ANKS1B: variants seen among roughly 807,000 people sequenced by gnomAD.
ANKS1B encodes the protein ankyrin repeat and sterile alpha motif domain containing 1B.
ANKS1B carries 36 observed loss-of-function variants against 148.3 expected under a neutral mutation model. The observed-to-expected ratio is 0.24, with a 90% CI of 0.19 to 0.32. The LOEUF (loss-of-function observed/expected upper bound fraction) is 0.32, where lower values mean the gene tolerates loss of function less well. Ranked by LOEUF, ANKS1B falls within the 10% of genes least tolerant of loss-of-function variation. ANKS1B has a pLI of 1.00. For missense variants in ANKS1B, 1,157 were observed against 1,542.6 expected (o/e 0.75, Z 4.19); for synonymous variants, 542 against 560.8 (o/e 0.97, Z 0.47).
At chr12:99,491,730 G>A (rs185486494) in intron 10 of ANKS1B, among the ~76,000 whole-genome samples, 1 of 152,202 alleles carries the variant, frequency 6.6e-6, no homozygotes, top group East Asian at 1.9e-4. Context: ...AAGGATTACA[G>A]CCTCTAGCTC....
intron 1 of ANKS1B, among the ~76,000 whole-genome samples, chr12:99,972,843 G>A (rs1360946702): frequency 6.6e-6 from 1 of 152,176 alleles, no homozygotes; most frequent in Non-Finnish European, 1.5e-5. Flanking sequence ...TCAAAGGACA[G>A]GCTCTCTTGT....
chr12:99,592,048 C>T (rs914731564), intron 9 of ANKS1B, among the ~76,000 whole-genome samples: 1 of 152,102 alleles, frequency 6.6e-6, no homozygotes, highest in Non-Finnish European at 1.5e-5. Flanking sequence ...AAAATTGGTT[C>T]ACATTTCCAA....
intron 12 of ANKS1B, among the ~76,000 whole-genome samples, chr12:99,394,799 A>ATAATG (rs1469000481): frequency 1.3e-5 from 2 of 152,182 alleles, no homozygotes; most frequent in Non-Finnish European, 2.9e-5. Flanking sequence ...TATCATCTGT[A>ATAATG]TAATGACGAC....
chr12:99,314,074 G>T (rs1056203117), intron 12 of ANKS1B, among the ~76,000 whole-genome samples: 1 of 152,006 alleles, frequency 6.6e-6, no homozygotes, highest in African/African-American at 2.4e-5. Flanking sequence ...CAAAGTCTCA[G>T]GATACAAAAT....
intron 17 of ANKS1B, among the ~76,000 whole-genome samples, chr12:99,028,602 T>A (rs1165043106): frequency 6.6e-6 from 1 of 152,238 alleles, no homozygotes; most frequent in Non-Finnish European, 1.5e-5. Context: ...ATAAGCCTTT[T>A]ACTGCTTAAT....
chr12:99,368,066 T>C (rs2152456258), intron 12 of ANKS1B, among the ~76,000 whole-genome samples: 1 of 152,274 alleles, frequency 6.6e-6, no homozygotes, highest in South Asian at 2.1e-4. Context: ...TCAAGTGACT[T>C]TTGGCAAAGC....
intron 9 of ANKS1B, among the ~76,000 whole-genome samples, chr12:99,612,214 T>C (rs1230482931): frequency 1.3e-5 from 2 of 152,024 alleles, no homozygotes; most frequent in Non-Finnish European, 2.9e-5. Context: ...ATCCCAAAGA[T>C]TAATGGTCAT....
intron 1 of ANKS1B, among the ~76,000 whole-genome samples, chr12:99,934,602 T>G (rs1297003437): frequency 6.6e-6 from 1 of 152,278 alleles, no homozygotes; most frequent in East Asian, 1.9e-4. Flanking sequence ...TTCTGCAGTA[T>G]ACATCATAAT....
intron 22 of ANKS1B, among the ~76,000 whole-genome samples, chr12:98,784,126 T>A (rs1211289341): frequency 6.6e-6 from 1 of 152,186 alleles, no homozygotes; most frequent in Non-Finnish European, 1.5e-5. Flanking sequence ...TGCGTAAGCA[T>A]AATGGAAATG....
At chr12:99,406,360 A>G (rs2094532887) in intron 11 of ANKS1B, among the ~76,000 whole-genome samples, 1 of 146,090 alleles carries the variant, frequency 6.8e-6, no homozygotes, top group South Asian at 2.1e-4. Flanking sequence ...CTAGGAATCA[A>G]TAACAAGAGG....
intron 25 of ANKS1B, among the ~76,000 whole-genome samples, chr12:98,756,291 G>T (rs2098240061): frequency 6.6e-6 from 1 of 152,042 alleles, no homozygotes; most frequent in Non-Finnish European, 1.5e-5. Flanking sequence ...TTTATAAATG[G>T]GAGTTCCCCT....
intron 17 of ANKS1B, among the ~76,000 whole-genome samples, chr12:98,894,018 C>T (rs1322686857): frequency 6.6e-6 from 1 of 152,212 alleles, no homozygotes; most frequent in Non-Finnish European, 1.5e-5. Context: ...ACTGACCCGA[C>T]CTTCACCGAA....
intron 17 of ANKS1B, among the ~76,000 whole-genome samples, chr12:98,976,166 T>G (rs2099895466): frequency 6.6e-6 from 1 of 152,214 alleles, no homozygotes; most frequent in African/African-American, 2.4e-5. Flanking sequence ...TTGAACATAT[T>G]ACACTATTGG....
At chr12:99,179,741 A>T (rs901006800) in intron 14 of ANKS1B, among the ~76,000 whole-genome samples, 1 of 152,208 alleles carries the variant, frequency 6.6e-6, no homozygotes. Context: ...TAAAGTGAGT[A>T]CCTATATAAT....
At chr12:99,862,233 C>G (rs1035133806) in intron 1 of ANKS1B, among the ~76,000 whole-genome samples, 1 of 151,958 alleles carries the variant, frequency 6.6e-6, no homozygotes, top group African/African-American at 2.4e-5. Context: ...TCTTATGCAT[C>G]AAAGAGGAAA....
At chr12:99,000,886 G>T (rs2099932579) in intron 17 of ANKS1B, among the ~76,000 whole-genome samples, 1 of 152,032 alleles carries the variant, frequency 6.6e-6, no homozygotes, top group African/African-American at 2.4e-5. Context: ...ATTTCACTTA[G>T]CATAATGTCA....
At chr12:98,988,767 C>T (rs12297479) in intron 17 of ANKS1B, among the ~76,000 whole-genome samples, 38,101 of 151,990 alleles carry the variant, frequency 0.25, 4,909 homozygotes, top group South Asian at 0.34. Context: ...CACTTGCTAT[C>T]TTTTGTCTTT....
At chr12:99,183,553 G>A (rs1355082208) in intron 14 of ANKS1B, among the ~76,000 whole-genome samples, 2 of 152,176 alleles carry the variant, frequency 1.3e-5, no homozygotes, top group African/African-American at 4.8e-5. Flanking sequence ...TGAGGCAGGA[G>A]CATCTCTTGA....
At chr12:99,561,003 T>C (rs771758964) in intron 9 of ANKS1B, among the ~76,000 whole-genome samples, 133 of 151,938 alleles carry the variant, frequency 8.8e-4, no homozygotes, top group Non-Finnish European at 1.8e-3. Flanking sequence ...CCTGCCACCA[T>C]GCCCAGCTAA....
Sources: gnomAD v4.1 joint callset for allele counts (sites outside exome capture counted in the v4.1 genomes callset) on GRCh38, gnomAD v4.1.1 for gene constraint, MANE v1.5 for transcripts, NCBI Gene and HGNC (gene_info 2026-07-23, HGNC 2026-07-21) for gene names.